Variants in KYAT3 observed in about 807,000 individuals in gnomAD.
The protein encoded by KYAT3 is kynurenine aminotransferase 3, also known as kynurenine--oxoglutarate transaminase 3.
In KYAT3, 50 loss-of-function variants were observed where a neutral mutation model predicts 59.0. That is an observed-to-expected ratio of 0.85 (90% CI 0.68 to 1.07). The LOEUF is 1.07. Ranked by LOEUF, KYAT3 falls within the 50% of genes least tolerant of loss-of-function variation. The probability of loss-of-function intolerance (pLI) is 0.00; values close to 1 mark genes in which losing one functional copy is unlikely to be tolerated. For missense variants in KYAT3, 497 were observed against 533.3 expected, an observed-to-expected ratio of 0.93 and a Z score of 0.67; for synonymous variants, 148 against 177.0, an observed-to-expected ratio of 0.84 and a Z score of 1.30.
At chr1:88,928,341 T>C in the KYAT3 span, among the ~76,000 whole-genome samples, 1 of 151,936 alleles carries the variant, frequency 6.6e-6, no homozygotes, top group Non-Finnish European at 1.5e-5. Flanking sequence ...GCAACGTTGG[T>C]TTTTTATAAT....
chr1:88,923,978 C>T, the KYAT3 span: 14 of 160,854 alleles, frequency 8.7e-5, no homozygotes, highest in East Asian at 1.9e-4. Context: ...CAGAATTCAA[C>T]GAAAGACCCA....
Position 88,964,846 on chromosome 1 carries a change from T to C in KYAT3, c.436A>G (p.Ile146Val). ...GSLFNTIQAL[I>V]DEGDEVILIV... ...ATACTTACTTCATCTCCCTCATCAA[T>C]TAATGCTTGAATGGTGTTAAAAAGA... is the stretch of plus-strand genomic sequence containing the variant. The change falls in exon 5 of 14, where the codon ATT (isoleucine) becomes GTT (valine). Residue 146 changes from isoleucine to valine, a missense_variant. Physicochemically the swap from Ile to Val is conservative, Grantham distance 29 (BLOSUM62 3). Transcript: ENST00000260508. 1 of 1,594,894 alleles carries C rather than the reference T, an allele frequency of 6.3e-7. No individual in the cohort carries two copies. The highest frequency in any genetic ancestry group is 8.5e-7 in the Non-Finnish European group (1 of 1,173,550).
Position 88,961,222 on chromosome 1 carries a change from G to C in KYAT3, c.732C>G (p.Ile244Met). 1.2e-6 allele frequency: 2 copies of C among 1,613,364 alleles called. No individual in the cohort carries two copies. The highest frequency in any genetic ancestry group is 1.7e-6 in the Non-Finnish European group (2 of 1,179,724). ...CAAGCCATTCATAAACCTCATCGCT[G>C]ATGCAGAGTGTGTCATATTTGATGC... ...DLCIKYDTLC[I>M]SDEVYEWLVY... The change falls in exon 8 of 14, where the codon ATC (isoleucine) becomes ATG (methionine). Residue 244 changes from isoleucine to methionine, a missense_variant. Transcript: ENST00000260508.
intron 6 of KYAT3, 42 bp downstream of exon 6, chr1:88,962,017 A>C (rs780282355): frequency 2.3e-5 from 32 of 1,384,864 alleles, no homozygotes; most frequent in Non-Finnish European, 2.4e-5. Flanking sequence ...AGACTTCTTA[A>C]GTCTTGAAAC....
downstream of KYAT3, among the ~76,000 whole-genome samples, chr1:88,933,294 T>G (rs1674948154): frequency 6.6e-6 from 1 of 152,188 alleles, no homozygotes; most frequent in Non-Finnish European, 1.5e-5. Flanking sequence ...TTTTGTTCAC[T>G]GATGTAGTAA....
At chr1:88,979,503 C>T (rs1053776698) in intron 2 of KYAT3, 8 of 152,138 alleles carry the variant, frequency 5.3e-5, no homozygotes, top group African/African-American at 1.9e-4. Flanking sequence ...ACTTTTACAA[C>T]TCAATAAGAC....
downstream of KYAT3, among the ~76,000 whole-genome samples, chr1:88,931,966 T>C (rs1674919254): frequency 7.4e-6 from 1 of 134,568 alleles, no homozygotes; most frequent in Non-Finnish European, 1.6e-5. Context: ...ATGGAAAAGA[T>C]AATGATTCTG....
At chr1:88,952,811 G>A (rs1412226641) in intron 10 of KYAT3, among the ~76,000 whole-genome samples, 1 of 152,084 alleles carries the variant, frequency 6.6e-6, no homozygotes, top group Non-Finnish European at 1.5e-5. Flanking sequence ...TGTTGCCATT[G>A]TCCTTCACAG....
chr1:88,935,250 G>A (rs1022466208), downstream of KYAT3, among the ~76,000 whole-genome samples: 5 of 151,044 alleles, frequency 3.3e-5, no homozygotes, highest in African/African-American at 1.2e-4. Context: ...TGATCCACCC[G>A]CCTCGGCCTC....
intron 9 of KYAT3, 57 bp downstream of exon 9, chr1:88,955,092 A>G (rs1675852949): frequency 8.3e-7 from 1 of 1,200,556 alleles, no homozygotes; most frequent in Non-Finnish European, 1.2e-6. Flanking sequence ...ACCACTCAAC[A>G]AAAAATAAAT....
intron 2 of KYAT3, among the ~76,000 whole-genome samples, chr1:88,985,191 T>A (rs756648452): frequency 8.5e-5 from 13 of 152,078 alleles, no homozygotes; most frequent in African/African-American, 2.7e-4. Flanking sequence ...TCAAAAAAAA[T>A]TGGGTTCAAG....
At chr1:88,948,461 C>T (rs1025421353) in intron 11 of KYAT3, among the ~76,000 whole-genome samples, 9 of 152,066 alleles carry the variant, frequency 5.9e-5, no homozygotes, top group African/African-American at 1.7e-4. Flanking sequence ...TTACATATAA[C>T]AGCTTTAGGT....
chr1:88,931,417 G>A (rs2101003489), downstream of KYAT3, among the ~76,000 whole-genome samples: 1 of 152,280 alleles, frequency 6.6e-6, no homozygotes, highest in East Asian at 1.9e-4. Flanking sequence ...CGGCCTGCTA[G>A]CCCATGCTCC....
chr1:88,978,676 A>T (rs1413247432), intron 2 of KYAT3, among the ~76,000 whole-genome samples: 2 of 143,354 alleles, frequency 1.4e-5, no homozygotes, highest in Non-Finnish European at 3.1e-5. Flanking sequence ...TTTGTTCTTA[A>T]TTTTTTTTTT....
intron 6 of KYAT3, 21 bp from the exon 7 acceptor site, chr1:88,961,527 T>G (rs368418314): frequency 6.3e-7 from 1 of 1,593,294 alleles, no homozygotes; most frequent in South Asian, 1.1e-5. Context: ...AGAATGAAGA[T>G]ATAATTTAAT....
At chr1:88,974,313 G>A (rs151080077) in intron 2 of KYAT3, among the ~76,000 whole-genome samples, 2 of 151,984 alleles carry the variant, frequency 1.3e-5, no homozygotes, top group Non-Finnish European at 2.9e-5. Context: ...TGTATCTTAA[G>A]TATTTTATGA....
the KYAT3 span, among the ~76,000 whole-genome samples, chr1:88,924,682 G>T: frequency 3.9e-5 from 6 of 152,124 alleles, no homozygotes; most frequent in Non-Finnish European, 7.3e-5. Context: ...TCGCAGACTC[G>T]CTGCTGACTT....
At chr1:88,990,375 C>A (rs2101105909) in intron 1 of KYAT3, among the ~76,000 whole-genome samples, 2 of 152,334 alleles carry the variant, frequency 1.3e-5, no homozygotes, top group South Asian at 4.1e-4. Flanking sequence ...ATCTACGCTC[C>A]TCAACCCAGT....
At chr1:88,957,393 CA>C (rs1406940952) in intron 8 of KYAT3, among the ~76,000 whole-genome samples, 6 of 152,226 alleles carry the variant, frequency 3.9e-5, no homozygotes, top group African/African-American at 1.4e-4. Flanking sequence ...ACGTATAATG[CA>C]GATTATCACT....
Sources: gnomAD v4.1 joint callset for allele counts (sites outside exome capture counted in the v4.1 genomes callset) on GRCh38, gnomAD v4.1.1 for gene constraint, MANE v1.5 for transcripts, NCBI Gene and HGNC (gene_info 2026-07-23, HGNC 2026-07-21) for gene names.